Variants in LSAMP observed in about 807,000 individuals in gnomAD.
The protein encoded by LSAMP is limbic system associated membrane protein.
Under a neutral mutation model 38.6 loss-of-function variants are expected in LSAMP, and 7 were observed. That is an observed-to-expected ratio of 0.18 (90% CI 0.10 to 0.34). The LOEUF (loss-of-function observed/expected upper bound fraction) is 0.34. LSAMP is among the 10% of genes least tolerant of loss of function. LSAMP has a pLI of 1.00. For synonymous variants in LSAMP, 154 were observed against 166.8 expected (o/e 0.92, Z 0.59); for missense variants, 313 against 420.0 (o/e 0.75, Z 2.23).
chr3:115,943,727 A>T (rs1016355308), intron 3 of LSAMP, among the ~76,000 whole-genome samples: 7 of 152,172 alleles, frequency 4.6e-5, no homozygotes, highest in Admixed American at 3.3e-4. Flanking sequence ...ACACGTGGAG[A>T]TTTAGAACTT....
chr3:116,132,677 T>G (rs1467597346), intron 1 of LSAMP, among the ~76,000 whole-genome samples: 12 of 152,358 alleles, frequency 7.9e-5, no homozygotes, highest in African/African-American at 2.6e-4. Context: ...CCTTTTTCCC[T>G]TTAGTTCTCT....
intron 3 of LSAMP, among the ~76,000 whole-genome samples, chr3:115,921,138 T>C (rs1276065750): frequency 6.6e-6 from 1 of 152,136 alleles, no homozygotes; most frequent in Non-Finnish European, 1.5e-5. Flanking sequence ...TAGATCTCAT[T>C]TTTCTATCCA....
intron 1 of LSAMP, among the ~76,000 whole-genome samples, chr3:116,261,414 A>T (rs2046823747): frequency 6.6e-6 from 1 of 152,120 alleles, no homozygotes; most frequent in Non-Finnish European, 1.5e-5. Flanking sequence ...CAGTGCTCTT[A>T]TGCATTTTTA....
intron 4 of LSAMP, among the ~76,000 whole-genome samples, chr3:115,850,961 A>ATCTCTCTCTC (rs111466687): frequency 1.3e-5 from 2 of 150,712 alleles, no homozygotes; most frequent in Non-Finnish European, 3.0e-5. Context: ...ACAAATATAA[A>ATCTCTCTCTC]TCTCTCTCTC....
chr3:116,121,087 C>T (rs866651333), intron 1 of LSAMP, among the ~76,000 whole-genome samples: 3 of 152,214 alleles, frequency 2.0e-5, no homozygotes, highest in Non-Finnish European at 4.4e-5. Context: ...TCAGTTTTTT[C>T]ATCTCAATCA....
At chr3:115,868,419 T>C (rs1009783006) in intron 3 of LSAMP, among the ~76,000 whole-genome samples, 1 of 152,112 alleles carries the variant, frequency 6.6e-6, no homozygotes, top group African/African-American at 2.4e-5. Context: ...CATCAAGTTG[T>C]CAAAACAGGA....
At chr3:115,949,031 G>C (rs1377115107) in intron 3 of LSAMP, among the ~76,000 whole-genome samples, 1 of 152,160 alleles carries the variant, frequency 6.6e-6, no homozygotes, top group East Asian at 1.9e-4. Context: ...ACTTTGGGAG[G>C]CCAAGGCAGG....
chr3:116,320,427 G>GTAA (rs963680967), intron 1 of LSAMP, among the ~76,000 whole-genome samples: 13 of 151,156 alleles, frequency 8.6e-5, no homozygotes, highest in Non-Finnish European at 1.0e-4. Context: ...AATAATAATA[G>GTAA]TAATAATAAT....
chr3:116,277,691 A>G (rs1310054360), intron 1 of LSAMP, among the ~76,000 whole-genome samples: 3 of 152,064 alleles, frequency 2.0e-5, no homozygotes, highest in Non-Finnish European at 4.4e-5. Context: ...ATTTTTATAC[A>G]TCTGTTTAAA....
intron 3 of LSAMP, among the ~76,000 whole-genome samples, chr3:115,915,565 G>A (rs537693671): frequency 6.6e-6 from 1 of 152,226 alleles, no homozygotes; most frequent in Admixed American, 6.5e-5. Flanking sequence ...TGTACATAAA[G>A]CTCCTGAGTT....
chr3:115,881,880 A>G (rs1936332755), intron 3 of LSAMP, among the ~76,000 whole-genome samples: 1 of 152,130 alleles, frequency 6.6e-6, no homozygotes. Context: ...CCTGTCTCTC[A>G]GCTGTTCTTA....
At position 116,108,327 on chromosome 3, in the gene LSAMP, G is replaced by C. The variant is rs577770704; in HGVS notation, c.156-21771C>G. On this transcript the variant is annotated intron_variant, in intron 1 of 6. Transcript: ENST00000490035. Reference sequence around the variant, plus strand: ...TGGGCAGGTGGGGATAACTAAAAAGGAGTGCTTAAAAGAGTACTGTCTAAG... The same window carrying C: ...TGGGCAGGTGGGGATAACTAAAAAGCAGTGCTTAAAAGAGTACTGTCTAAG... 1.0e-3 allele frequency among the ~76,000 whole-genome samples: 153 copies of C among 152,092 alleles called. 4 individuals carry two copies. The South Asian group carries it at 0.032, about 31-fold the overall frequency.
At chr3:116,242,001 C>T (rs539175793) in intron 1 of LSAMP, among the ~76,000 whole-genome samples, 2 of 90,330 alleles carry the variant, frequency 2.2e-5, no homozygotes, top group East Asian at 7.5e-4. Context: ...AAAAGTGAGG[C>T]TTTCTTTTTA....
chr3:116,188,538 C>T (rs80069290), intron 1 of LSAMP, among the ~76,000 whole-genome samples: 166 of 152,244 alleles, frequency 1.1e-3, no homozygotes, highest in African/African-American at 3.9e-3. Flanking sequence ...TCTAGTCTCC[C>T]TTTAGCCTGT....
intron 3 of LSAMP, among the ~76,000 whole-genome samples, chr3:115,887,406 G>T (rs1408994025): frequency 6.6e-6 from 1 of 151,816 alleles, no homozygotes; most frequent in Non-Finnish European, 1.5e-5. Context: ...CAATAACAAA[G>T]TTCTGCATAT....
rs749227719 is a variant in LSAMP, at chr3:116,019,520, G to A, written c.509C>T (p.Pro170Leu). 6.8e-6 allele frequency: 11 copies of A among 1,611,686 alleles called. No homozygotes were observed. The highest frequency in any genetic ancestry group is 7.6e-6 in the Non-Finnish European group (9 of 1,178,482). ...GAACCTGGAGTATTGCTTACCAGTTGGTGTAAGGTGTCTCCAGGTGATAAC... is the reference window on the plus strand; with the variant it reads ...GAACCTGGAGTATTGCTTACCAGTTAGTGTAAGGTGTCTCCAGGTGATAAC... ...EPVITWRHLTPTGREFEGEEE... is the reference protein window; with the variant it reads ...EPVITWRHLTLTGREFEGEEE... The change falls in exon 3 of 7, where the codon CCA (proline) becomes CTA (leucine). Residue 170 changes from proline (P) to leucine (L), a missense_variant. By Grantham distance (98) the Pro-to-Leu change is moderately conservative (BLOSUM62 -3). Coordinates refer to ENST00000490035, the MANE Select transcript of LSAMP (RefSeq NM_002338.5).
At chr3:116,358,620 CG>C (rs1559840716) in intron 1 of LSAMP, among the ~76,000 whole-genome samples, 1 of 151,944 alleles carries the variant, frequency 6.6e-6, no homozygotes, top group African/African-American at 2.4e-5. Flanking sequence ...TAAAATCCAC[CG>C]ATCGAAATGC....
chr3:116,089,363 T>G (rs1476284751), intron 1 of LSAMP, among the ~76,000 whole-genome samples: 1 of 152,166 alleles, frequency 6.6e-6, no homozygotes, highest in African/African-American at 2.4e-5. Flanking sequence ...TTTTTTTGTT[T>G]TGTTTTGTTT....
Position 115,810,220 on chromosome 3 carries a change from CATCT to C in LSAMP, c.*93_*96del. ...AAGTTGTGAAATAAACGGTCTCCCC[CATCT>C]CTCTCTCTCTCTCTCTCTCTGTCTC... is the stretch of plus-strand genomic sequence containing the variant. On this transcript the variant is annotated 3_prime_UTR_variant, in exon 7 of 7. Transcript: ENST00000490035. 1.3e-6 allele frequency: 1 copy of C among 756,060 alleles called. No individual in the cohort carries two copies. The highest frequency in any genetic ancestry group is 2.1e-6 in the Non-Finnish European group (1 of 470,488). The allele number at this position is 756,060 out of a possible 1,614,324, so 46.8% of individuals were successfully genotyped here. A position where few individuals can be genotyped will look rare whatever the true frequency, so the allele number is the denominator to read the frequency against.
Sources: gnomAD v4.1 joint callset for allele counts (sites outside exome capture counted in the v4.1 genomes callset) on GRCh38, gnomAD v4.1.1 for gene constraint, MANE v1.5 for transcripts, NCBI Gene and HGNC (gene_info 2026-07-23, HGNC 2026-07-21) for gene names.